DNAH11: variants seen among roughly 807,000 people sequenced by gnomAD.
DNAH11 encodes the protein dynein axonemal heavy chain 11.
DNAH11 carries 442 observed loss-of-function variants against 526.0 expected under a neutral mutation model. The observed-to-expected ratio is 0.84, with a 90% CI of 0.78 to 0.91. The LOEUF (loss-of-function observed/expected upper bound fraction) is 0.91, where lower values mean the gene tolerates loss of function less well. Ranked by LOEUF, DNAH11 falls within the 40% of genes least tolerant of loss-of-function variation. DNAH11 has a pLI of 0.00. For missense variants in DNAH11, 6,989 were observed against 5,448.7 expected (o/e 1.28, Z -8.90); for synonymous variants, 2,461 against 1,935.9 (o/e 1.27, Z -7.12).
intron 76 of DNAH11, among the ~76,000 whole-genome samples, chr7:21,887,380 T>C (rs909116336): frequency 1.3e-5 from 2 of 152,188 alleles, no homozygotes; most frequent in Non-Finnish European, 2.9e-5. Context: ...AGTAAATCAC[T>C]TTCAGAGAAT....
chr7:21,840,515 CAT>C (rs1234247553), intron 65 of DNAH11, among the ~76,000 whole-genome samples: 1 of 152,088 alleles, frequency 6.6e-6, no homozygotes, highest in Non-Finnish European at 1.5e-5. Flanking sequence ...CTCTAGGCCT[CAT>C]AAGAAGTTTC....
intron 45 of DNAH11, among the ~76,000 whole-genome samples, chr7:21,728,232 C>G (rs148870932): frequency 0.031 from 4,223 of 134,676 alleles, 141 homozygotes; most frequent in African/African-American, 0.081. Flanking sequence ...CAACAGCCCA[C>G]AATTCTTTTT....
intron 68 of DNAH11, among the ~76,000 whole-genome samples, chr7:21,860,556 G>T (rs1260150836): frequency 6.6e-6 from 1 of 152,216 alleles, no homozygotes; most frequent in African/African-American, 2.4e-5. Flanking sequence ...ATGTCCGTCA[G>T]TGGATGAATA....
chr7:21,831,018 G>A (rs867373601), intron 65 of DNAH11, among the ~76,000 whole-genome samples: 1 of 152,272 alleles, frequency 6.6e-6, no homozygotes, highest in East Asian at 1.9e-4. Flanking sequence ...GAGCAGCCCC[G>A]TGCCAGATTT....
At chr7:21,559,286 T>C (rs1783348942) in intron 3 of DNAH11, among the ~76,000 whole-genome samples, 1 of 152,238 alleles carries the variant, frequency 6.6e-6, no homozygotes, top group Non-Finnish European at 1.5e-5. Context: ...ATGTGAATTA[T>C]TTCCTTTTAA....
intron 30 of DNAH11, among the ~76,000 whole-genome samples, chr7:21,670,148 G>A (rs1431251312): frequency 6.6e-6 from 1 of 151,906 alleles, no homozygotes; most frequent in African/African-American, 2.4e-5. Context: ...CAATAATTAT[G>A]GTTCTTATAA....
intron 54 of DNAH11, among the ~76,000 whole-genome samples, chr7:21,754,581 A>C (rs756202333): frequency 6.0e-5 from 9 of 150,860 alleles, no homozygotes; most frequent in Non-Finnish European, 1.0e-4. Flanking sequence ...CCACCCCATC[A>C]TCACAGGACT....
At chr7:21,638,682 A>G (rs1350731114) in intron 27 of DNAH11, among the ~76,000 whole-genome samples, 2 of 138,952 alleles carry the variant, frequency 1.4e-5, no homozygotes, top group Non-Finnish European at 3.1e-5. Flanking sequence ...ATTTAGCCAC[A>G]GCTAATGGGG....
At chr7:21,639,139 A>T in intron 28 of DNAH11, 74 bp downstream of exon 28, 2 of 1,473,578 alleles carry the variant, frequency 1.4e-6, no homozygotes, top group Non-Finnish European at 1.8e-6. Context: ...ATCATTGTCA[A>T]ATGCTACCTG....
chr7:21,864,448 G>A, intron 69 of DNAH11, 87 bp from the exon 70 acceptor site: 1 of 1,385,546 alleles, frequency 7.2e-7, no homozygotes, highest in South Asian at 1.5e-5. Context: ...TGCCTACTCA[G>A]TCATGTCTGT....
chr7:21,807,331 T>C (rs1789308098), intron 62 of DNAH11, among the ~76,000 whole-genome samples: 1 of 152,144 alleles, frequency 6.6e-6, no homozygotes, highest in South Asian at 2.1e-4. Flanking sequence ...AAGCCCCGTC[T>C]CTACAAAAAA....
intron 79 of DNAH11, among the ~76,000 whole-genome samples, chr7:21,896,472 C>T (rs1006913472): frequency 1.3e-5 from 2 of 152,302 alleles, no homozygotes; most frequent in South Asian, 4.1e-4. Context: ...GCCATTCCTT[C>T]CCAAGTAAAG....
At chr7:21,861,234 T>A (rs1471278991) in intron 68 of DNAH11, among the ~76,000 whole-genome samples, 1 of 152,250 alleles carries the variant, frequency 6.6e-6, no homozygotes, top group Non-Finnish European at 1.5e-5. Context: ...CTAGTGACAC[T>A]GGATTTAGCT....
At chr7:21,812,961 G>T (rs1156941944) in intron 63 of DNAH11, among the ~76,000 whole-genome samples, 2 of 152,106 alleles carry the variant, frequency 1.3e-5, no homozygotes, top group African/African-American at 4.8e-5. Context: ...AGGTAGAGAA[G>T]ATAAGGCAAT....
chr7:21,814,712 C>T (rs866550432), intron 63 of DNAH11, among the ~76,000 whole-genome samples: 1 of 151,956 alleles, frequency 6.6e-6, no homozygotes, highest in Admixed American at 6.6e-5. Flanking sequence ...TTTTTCGGCT[C>T]CATTATAATC....
At chr7:21,792,803 G>A (rs1368569592) in intron 61 of DNAH11, among the ~76,000 whole-genome samples, 1 of 151,660 alleles carries the variant, frequency 6.6e-6, no homozygotes, top group Non-Finnish European at 1.5e-5. Context: ...TAGGTTAGTT[G>A]ATTTTGTTTA....
chr7:21,576,967 G>A (rs907240240), intron 8 of DNAH11, among the ~76,000 whole-genome samples: 1 of 152,004 alleles, frequency 6.6e-6, no homozygotes, highest in South Asian at 2.1e-4. Context: ...AAAAACACTG[G>A]CCATTATATA....
intron 66 of DNAH11, among the ~76,000 whole-genome samples, chr7:21,848,483 ATTGGG>A (rs1782504855): frequency 1.3e-5 from 2 of 151,864 alleles, no homozygotes; most frequent in East Asian, 3.9e-4. Flanking sequence ...CCGTATTTTT[ATTGGG>A]TTTTATTCAT....
In DNAH11 at chr7:21,544,814, A is replaced by G. The variant is rs2285950; in HGVS notation, c.352-192A>G. Among the ~76,000 whole-genome samples the G allele has an allele frequency of 0.44, 67,379 of 151,956 alleles. 15,289 individuals are homozygous for G. The highest frequency in any genetic ancestry group is 0.52 in the Middle Eastern group (153 of 292). On this transcript the variant is annotated intron_variant, in intron 1 of 81. Coordinates refer to ENST00000409508, the MANE Select transcript of DNAH11 (RefSeq NM_001277115.2). ...ACACCAGTAATGCTGTGAAATTAGC[A>G]TTATAAAAGAACAAAGAAAACTGTA...
Sources: gnomAD v4.1 joint callset for allele counts (sites outside exome capture counted in the v4.1 genomes callset) on GRCh38, gnomAD v4.1.1 for gene constraint, MANE v1.5 for transcripts, NCBI Gene and HGNC (gene_info 2026-07-23, HGNC 2026-07-21) for gene names.